Variants in KCNN2 observed in about 807,000 individuals in gnomAD.
KCNN2 encodes small conductance calcium-activated potassium channel protein 2.
KCNN2 carries 24 observed loss-of-function variants against 55.5 expected under a neutral mutation model. The ratio of observed to expected loss-of-function variants is 0.43; its 90% CI spans 0.31 to 0.61. The LOEUF (loss-of-function observed/expected upper bound fraction) is 0.61, where lower values mean the gene tolerates loss of function less well. Among genes scored for constraint, KCNN2 ranks in the 20% least tolerant of loss-of-function variants. KCNN2 has a pLI of 0.08. For missense variants in KCNN2, 754 were observed against 853.6 expected (o/e 0.88, Z 1.45); for synonymous variants, 431 against 336.1 (o/e 1.28, Z -3.09).
intron 1 of KCNN2, among the ~76,000 whole-genome samples, chr5:114,164,509 A>G (rs1752866282): frequency 6.6e-6 from 1 of 152,108 alleles, no homozygotes; most frequent in Non-Finnish European, 1.5e-5. Context: ...CAGCCTGTTG[A>G]GGTGACATGT....
At chr5:114,073,670 C>G (rs1385468624) in intron 1 of KCNN2, among the ~76,000 whole-genome samples, 1 of 152,210 alleles carries the variant, frequency 6.6e-6, no homozygotes, top group Non-Finnish European at 1.5e-5. Flanking sequence ...CCATTCACTA[C>G]TTACATTTGT....
chr5:114,235,837 A>G (rs1478319973), intron 2 of KCNN2, among the ~76,000 whole-genome samples: 1 of 152,204 alleles, frequency 6.6e-6, no homozygotes, highest in Non-Finnish European at 1.5e-5. Flanking sequence ...TAATACTTTG[A>G]TTTGTTTCCT....
At chr5:114,109,982 C>A (rs901066980) in intron 1 of KCNN2, among the ~76,000 whole-genome samples, 1 of 151,936 alleles carries the variant, frequency 6.6e-6, no homozygotes, top group African/African-American at 2.4e-5. Flanking sequence ...AGGGCTCCTC[C>A]CCTCATGAAT....
chr5:114,220,460 A>G (rs1754109720), intron 1 of KCNN2, among the ~76,000 whole-genome samples: 1 of 152,192 alleles, frequency 6.6e-6, no homozygotes, highest in Non-Finnish European at 1.5e-5. Context: ...AAATTATCCA[A>G]AGAAATACAA....
chr5:114,150,489 C>T (rs929154239), intron 1 of KCNN2, among the ~76,000 whole-genome samples: 1 of 152,132 alleles, frequency 6.6e-6, no homozygotes, highest in Non-Finnish European at 1.5e-5. Context: ...CAAAGAAAAT[C>T]AAAACGTCGA....
intron 1 of KCNN2, among the ~76,000 whole-genome samples, chr5:114,212,797 G>A (rs1753915713): frequency 6.6e-6 from 1 of 151,968 alleles, no homozygotes; most frequent in South Asian, 2.1e-4. Context: ...TATCCAATTT[G>A]CCATTAGAGT....
chr5:114,344,207 A>T (rs1197321393), intron 2 of KCNN2, among the ~76,000 whole-genome samples: 1 of 152,090 alleles, frequency 6.6e-6, no homozygotes, highest in Non-Finnish European at 1.5e-5. Flanking sequence ...TCTTACTACA[A>T]AGTAAGGAGC....
intron 1 of KCNN2, among the ~76,000 whole-genome samples, chr5:114,120,036 C>A (rs1751794739): frequency 6.6e-6 from 1 of 152,098 alleles, no homozygotes; most frequent in South Asian, 2.1e-4. Context: ...TATAAGAAAT[C>A]TATGCCAGGG....
rs1754961858 is a variant in KCNN2, at chr5:114,255,360, AGG to A, written c.-185+33796_-185+33797del. 3.3e-5 allele frequency among the ~76,000 whole-genome samples: 5 copies of A among 152,324 alleles called. No individual in the cohort carries two copies. In the South Asian group the frequency reaches 8.3e-4, roughly 25 times the overall value. ...AACTCATTTGACTCTTAGCAGAAAAAGGAGGAATTTTCCAGACGGATGAGGTG... is the reference window on the plus strand; with the variant it reads ...AACTCATTTGACTCTTAGCAGAAAAAAGGAATTTTCCAGACGGATGAGGTG... On this transcript the variant is annotated intron_variant, in intron 2 of 10. Transcript: ENST00000512097.
intron 1 of KCNN2, among the ~76,000 whole-genome samples, chr5:114,200,095 A>G (rs192484073): frequency 1.8e-3 from 274 of 152,110 alleles, no homozygotes; most frequent in Non-Finnish European, 3.3e-3. Context: ...ATTTTTTTAG[A>G]TATATATTCT....
intron 2 of KCNN2, among the ~76,000 whole-genome samples, chr5:114,273,997 A>G (rs890948077): frequency 2.0e-5 from 3 of 152,196 alleles, no homozygotes; most frequent in Non-Finnish European, 1.5e-5. Context: ...TCTTTAATCC[A>G]TCTTGAGTTA....
chr5:114,239,670 C>T (rs1754579244), intron 2 of KCNN2, among the ~76,000 whole-genome samples: 1 of 152,128 alleles, frequency 6.6e-6, no homozygotes, highest in Admixed American at 6.5e-5. Flanking sequence ...AGTGGTTACT[C>T]ACATTCATGT....
chr5:114,168,006 T>C (rs934514133), intron 1 of KCNN2, among the ~76,000 whole-genome samples: 8 of 152,148 alleles, frequency 5.3e-5, no homozygotes, highest in African/African-American at 1.9e-4. Flanking sequence ...CTGTTTACTT[T>C]TTATTGCGAG....
chr5:114,385,825 GT>G (rs376873236), intron 2 of KCNN2, among the ~76,000 whole-genome samples: 4 of 147,488 alleles, frequency 2.7e-5, no homozygotes, highest in Non-Finnish European at 4.5e-5. Context: ...AATTGTTCAG[GT>G]TTTTTTTTTG....
chr5:114,232,416 A>G (rs1754380895), intron 2 of KCNN2, among the ~76,000 whole-genome samples: 1 of 151,136 alleles, frequency 6.6e-6, no homozygotes, highest in African/African-American at 2.5e-5. Flanking sequence ...ATAAAAACTA[A>G]ATAATCACTG....
chr5:114,081,321 C>T (rs1750815835), intron 1 of KCNN2, among the ~76,000 whole-genome samples: 1 of 152,072 alleles, frequency 6.6e-6, no homozygotes, highest in African/African-American at 2.4e-5. Flanking sequence ...CTCAAGGCAT[C>T]CCTAATAGCC....
chr5:114,103,944 A>G (rs1246343372), intron 1 of KCNN2, among the ~76,000 whole-genome samples: 1 of 152,076 alleles, frequency 6.6e-6, no homozygotes, highest in East Asian at 1.9e-4. Flanking sequence ...CCTCATAAAA[A>G]GAGTTAGGGA....
chr5:114,113,601 G>A (rs1408555955), intron 1 of KCNN2, among the ~76,000 whole-genome samples: 1 of 152,110 alleles, frequency 6.6e-6, no homozygotes, highest in Non-Finnish European at 1.5e-5. Flanking sequence ...GAAGTAGATA[G>A]GCCTGAGAAT....
chr5:114,114,105 T>G (rs532695323), intron 1 of KCNN2, among the ~76,000 whole-genome samples: 1 of 152,266 alleles, frequency 6.6e-6, no homozygotes, highest in East Asian at 1.9e-4. Flanking sequence ...TTTATTCTTC[T>G]GGTTTTTCTA....
Sources: allele counts gnomAD v4.1 joint callset (sites outside exome capture counted in the v4.1 genomes callset), GRCh38; gene constraint gnomAD v4.1.1; transcripts MANE v1.5; gene names NCBI Gene and HGNC (gene_info 2026-07-23, HGNC 2026-07-21).